The following SLC39A8 variants were observed in gnomAD, a reference collection of about 807,000 sequenced individuals.
The protein encoded by SLC39A8 is metal cation symporter ZIP8.
Under a neutral mutation model 40.4 loss-of-function variants are expected in SLC39A8, and 15 were observed. The observed-to-expected ratio is 0.37, with a 90% CI of 0.25 to 0.57. The LOEUF is 0.57. Ranked by LOEUF, SLC39A8 falls within the 20% of genes least tolerant of loss-of-function variation. The probability of loss-of-function intolerance (pLI) is 0.75; values close to 1 mark genes in which losing one functional copy is unlikely to be tolerated. For missense variants in SLC39A8, 472 were observed against 558.8 expected (o/e 0.84, Z 1.57); for synonymous variants, 223 against 221.6 (o/e 1.01, Z -0.06).
In SLC39A8 at chr4:102,267,636, G is replaced by T; in HGVS notation, c.1087C>A (p.Arg363=). ...AGGAAGTTGAATAGCAAGGCTTGTC[G>T]AGTGCTCATCCCTGCATTGAGTAGG... The part of the protein sequence containing the change: ...VILLNAGMST[R]QALLFNFLSA... Residue 363 remains arginine (R), a synonymous_variant, in exon 8 of 9, where the codon CGA becomes AGA. Transcript: ENST00000356736. 6.2e-7 allele frequency: 1 copy of T among 1,613,168 alleles called. No homozygotes were observed. The highest frequency in any genetic ancestry group is 1.1e-5 in the South Asian group (1 of 90,750).
intron 11 of SLC39A8, chr4:102,253,432 T>C: frequency 1.4e-6 from 1 of 716,260 alleles, no homozygotes; most frequent in Non-Finnish European, 2.6e-6. Context: ...CTACCTTGCC[T>C]GACAGACAAA....
chr4:102,289,184 CTCTG>C (rs764007811), intron 6 of SLC39A8, among the ~76,000 whole-genome samples: 7 of 152,148 alleles, frequency 4.6e-5, no homozygotes, highest in African/African-American at 1.7e-4. Flanking sequence ...GCTAAATTTA[CTCTG>C]TCTGTGCTCT....
chr4:102,300,146 C>T (rs1733856662), intron 6 of SLC39A8, among the ~76,000 whole-genome samples: 1 of 152,026 alleles, frequency 6.6e-6, no homozygotes, highest in Admixed American at 6.6e-5. Context: ...CACGTGCCCA[C>T]ACGCATGCCA....
chr4:102,309,450 T>C (rs1447159846), intron 3 of SLC39A8, among the ~76,000 whole-genome samples: 1 of 152,054 alleles, frequency 6.6e-6, no homozygotes, highest in East Asian at 1.9e-4. Flanking sequence ...ATTTATTACC[T>C]TATCACCTTA....
In SLC39A8 at chr4:102,312,732, G is replaced by A. The variant is rs369172788; in HGVS notation, c.382+2936C>T. Among the ~76,000 whole-genome samples, 136 of 152,154 alleles carry A rather than the reference G, an allele frequency of 8.9e-4. 1 individual carries two copies. In the South Asian group the frequency reaches 0.025, roughly 28 times the overall value. ...AGCACCTAGGTACTGAATAATGTTC[G>A]AAGTACTTTACAAATATTAAGTCAT... On this transcript the variant is annotated intron_variant, in intron 3 of 8. Coordinates refer to ENST00000356736, the MANE Select transcript of SLC39A8 (RefSeq NM_001135146.2).
chr4:102,275,608 T>TG (rs1732582747), intron 6 of SLC39A8, among the ~76,000 whole-genome samples: 1 of 152,158 alleles, frequency 6.6e-6, no homozygotes, highest in Non-Finnish European at 1.5e-5. Flanking sequence ...ATTCAGGACT[T>TG]GAACTCAGCT....
chr4:102,319,818 C>A (rs1331711443), intron 2 of SLC39A8, among the ~76,000 whole-genome samples: 2 of 151,996 alleles, frequency 1.3e-5, no homozygotes, highest in Non-Finnish European at 2.9e-5. Flanking sequence ...GAGGTGTCTG[C>A]AGGGTGGTTC....
chr4:102,273,494 C>T (rs940895515), intron 6 of SLC39A8, among the ~76,000 whole-genome samples: 5 of 152,170 alleles, frequency 3.3e-5, no homozygotes, highest in Non-Finnish European at 5.9e-5. Context: ...AGTGCACCCA[C>T]GGGAAGGGGT....
At chr4:102,270,043 G>C (rs1732277176) in intron 6 of SLC39A8, among the ~76,000 whole-genome samples, 1 of 152,180 alleles carries the variant, frequency 6.6e-6, no homozygotes, top group African/African-American at 2.4e-5. Context: ...AGCCACAGAG[G>C]AAGTGACCTG....
At chr4:102,281,903 C>G (rs1432802881) in intron 6 of SLC39A8, among the ~76,000 whole-genome samples, 2 of 152,084 alleles carry the variant, frequency 1.3e-5, no homozygotes, top group Non-Finnish European at 2.9e-5. Flanking sequence ...CAGAATACAC[C>G]ACTGGAGCAC....
chr4:102,306,062 G>A (rs1489774626), intron 4 of SLC39A8, among the ~76,000 whole-genome samples: 2 of 151,928 alleles, frequency 1.3e-5, no homozygotes, highest in African/African-American at 2.4e-5. Flanking sequence ...TAACATTGAG[G>A]TTATGAAAAT....
intron 3 of SLC39A8, among the ~76,000 whole-genome samples, chr4:102,313,047 C>T (rs940711098): frequency 1.3e-5 from 2 of 152,092 alleles, no homozygotes; most frequent in Admixed American, 1.3e-4. Flanking sequence ...GAACAATTAG[C>T]AATTCAAAAT....
Position 102,344,870 on chromosome 4 carries a change from C to T in SLC39A8, c.-208G>A. 2 of 1,304,970 alleles carry T rather than the reference C, an allele frequency of 1.5e-6. No homozygotes were observed. Among genetic ancestry groups the T allele is most frequent in the Non-Finnish European group, 9.7e-7 (1 of 1,032,030 alleles). 80.8% of individuals were successfully genotyped at this position (1,304,970 alleles called of 1,614,324 possible). A position where few individuals can be genotyped will look rare whatever the true frequency, so the allele number is the denominator to read the frequency against. On this transcript the variant is annotated 5_prime_UTR_variant, in exon 2 of 9. Coordinates refer to ENST00000356736, the MANE Select transcript of SLC39A8 (RefSeq NM_001135146.2). Reference sequence around the variant, plus strand: ...CGGGGCATTGAAGTGGCAGCGTAGCCGAGGGGAGCGATAGGCGGAGTGGGC... The same window carrying T: ...CGGGGCATTGAAGTGGCAGCGTAGCTGAGGGGAGCGATAGGCGGAGTGGGC...
At chr4:102,267,339 G>C (rs771300286) in intron 8 of SLC39A8, 151 bp downstream of exon 8, 47 of 606,864 alleles carry the variant, frequency 7.7e-5, no homozygotes, top group Middle Eastern at 4.5e-4. Context: ...TACTCAAGTA[G>C]AATGATCTGT....
chr4:102,325,032 C>T (rs1443789861), intron 2 of SLC39A8, among the ~76,000 whole-genome samples: 1 of 152,066 alleles, frequency 6.6e-6, no homozygotes, highest in Non-Finnish European at 1.5e-5. Context: ...TTACAAGGCA[C>T]TCAAGTTTCA....
At chr4:102,311,583 T>C (rs965056537) in intron 3 of SLC39A8, among the ~76,000 whole-genome samples, 44 of 152,238 alleles carry the variant, frequency 2.9e-4, no homozygotes, top group African/African-American at 9.6e-4. Flanking sequence ...GAATTAAATA[T>C]GATTCTGCAA....
chr4:102,338,415 T>C (rs1445453588), intron 2 of SLC39A8, among the ~76,000 whole-genome samples: 1 of 152,136 alleles, frequency 6.6e-6, no homozygotes, highest in Non-Finnish European at 1.5e-5. Flanking sequence ...CTCGATCTCC[T>C]GACCTTGTGA....
intron 5 of SLC39A8, 54 bp from the exon 6 acceptor site, chr4:102,304,535 C>T: frequency 6.8e-7 from 1 of 1,460,408 alleles, no homozygotes; most frequent in Middle Eastern, 1.8e-4. Context: ...ATGATTCATA[C>T]AGACAAGGAA....
At chr4:102,294,487 T>G (rs944885411) in intron 6 of SLC39A8, among the ~76,000 whole-genome samples, 2 of 152,076 alleles carry the variant, frequency 1.3e-5, no homozygotes, top group Non-Finnish European at 2.9e-5. Flanking sequence ...ATAATCACCC[T>G]GGCCTGCCTT....
Sources: gnomAD v4.1 joint callset for allele counts (sites outside exome capture counted in the v4.1 genomes callset) on GRCh38, gnomAD v4.1.1 for gene constraint, MANE v1.5 for transcripts, NCBI Gene and HGNC (gene_info 2026-07-23, HGNC 2026-07-21) for gene names.